Variants in AATK observed in about 807,000 individuals in gnomAD.
AATK encodes serine/threonine-protein kinase LMTK1.
In AATK, 91 loss-of-function variants were observed where a neutral mutation model predicts 114.3. The ratio of observed to expected loss-of-function variants is 0.80; its 90% CI spans 0.67 to 0.95. AATK has a LOEUF of 0.95. Among genes scored for constraint, AATK ranks in the 40% least tolerant of loss-of-function variants. The pLI is 0.00. For synonymous variants in AATK, 1,075 were observed against 916.5 expected (o/e 1.17, Z -3.12); for missense variants, 2,176 against 1,965.2 (o/e 1.11, Z -2.03).
chr17:81,132,723 G>A (rs1237962086), intron 2 of AATK: 5 of 294,552 alleles, frequency 1.7e-5, no homozygotes, highest in Non-Finnish European at 3.5e-5. Flanking sequence ...GGTCAGCATT[G>A]GGGGCCTGCC....
In AATK at chr17:81,124,735, C is replaced by T; in HGVS notation, c.954G>A (p.Gly318=). The T allele has an allele frequency of 6.2e-7, 1 of 1,612,796 alleles. No homozygotes were observed. The highest frequency in any genetic ancestry group is 8.5e-7 in the Non-Finnish European group (1 of 1,179,754). The change falls in exon 9 of 14, where the codon GGG becomes GGA. Residue 318 remains glycine (G), a synonymous_variant. Coordinates refer to ENST00000326724, the MANE Select transcript of AATK (RefSeq NM_001080395.3). ...NLLVVDQTKS[G]NVWSLGVTIW... is the part of the protein sequence containing the mutation. ...ACCAGGGCCGCACTCACCACACATTCCCGCTCTTGGTCTGGTCCACGACGA... is the reference window on the plus strand; with the variant it reads ...ACCAGGGCCGCACTCACCACACATTTCCGCTCTTGGTCTGGTCCACGACGA...
At chr17:81,149,909 C>T (rs1482313953) in intron 1 of AATK, among the ~76,000 whole-genome samples, 4 of 152,138 alleles carry the variant, frequency 2.6e-5, no homozygotes, top group African/African-American at 9.7e-5. Context: ...CAGCTCAAGC[C>T]CCTGAGGAAG....
intron 1 of AATK, among the ~76,000 whole-genome samples, chr17:81,137,554 C>A (rs1299583166): frequency 1.3e-5 from 2 of 152,150 alleles, no homozygotes; most frequent in Non-Finnish European, 2.9e-5. Flanking sequence ...GCTACCTGGG[C>A]CCCGCTGGCT....
intron 1 of AATK, among the ~76,000 whole-genome samples, chr17:81,151,071 T>G (rs1252187584): frequency 6.6e-6 from 1 of 152,158 alleles, no homozygotes; most frequent in Non-Finnish European, 1.5e-5. Flanking sequence ...GAAGGGGTAC[T>G]CTGTGCCCCC....
intron 7 of AATK, 102 bp from the exon 8 acceptor site, chr17:81,125,116 C>T: frequency 1.1e-6 from 1 of 878,906 alleles, no homozygotes. Context: ...GCGGGGGCAT[C>T]CAGCACAGGG....
chr17:81,124,113 G>A (rs893838124), intron 9 of AATK, among the ~76,000 whole-genome samples: 2 of 152,176 alleles, frequency 1.3e-5, no homozygotes, highest in African/African-American at 4.8e-5. Context: ...CCTGGCCCGT[G>A]GGATCTGAGA....
At chr17:81,155,705 T>TTA (rs1555601434) in intron 1 of AATK, among the ~76,000 whole-genome samples, 12 of 151,004 alleles carry the variant, frequency 7.9e-5, no homozygotes, top group Admixed American at 2.0e-4. Flanking sequence ...TTTTTTTTTT[T>TTA]AATAAGGTCT....
chr17:81,162,472 G>A (rs750677977), intron 1 of AATK, among the ~76,000 whole-genome samples: 10 of 152,178 alleles, frequency 6.6e-5, no homozygotes, highest in Non-Finnish European at 1.0e-4. Context: ...CCTGGTGCCC[G>A]GGCAGTGTCA....
chr17:81,152,064 C>CG (rs1041804792), intron 1 of AATK, among the ~76,000 whole-genome samples: 1 of 152,128 alleles, frequency 6.6e-6, no homozygotes, highest in African/African-American at 2.4e-5. Flanking sequence ...CACTTGAGGT[C>CG]GGAAGTTCGA....
chr17:81,128,355 G>T (rs1008092425), intron 4 of AATK, 115 bp downstream of exon 4: 2 of 1,305,790 alleles, frequency 1.5e-6, no homozygotes, highest in Non-Finnish European at 1.1e-6. Flanking sequence ...GCAGGGCCCA[G>T]AGACTGAAGA....
rs2060858666 is a variant in AATK, at chr17:81,127,461, C to CTGGGCTTTAGGGAGGGTCT, written c.621+121_621+122insAGACCCTCCCTAAAGCCCA. 4 of 988,338 alleles carry CTGGGCTTTAGGGAGGGTCT rather than the reference C, an allele frequency of 4.0e-6. No individual in the cohort carries two copies. The East Asian group carries it at 1.0e-4, about 26-fold the overall frequency. The allele number at this position is 988,338 out of a possible 1,614,324, so 61.2% of individuals were successfully genotyped here. On this transcript the variant is annotated intron_variant, in intron 6 of 13. Transcript: ENST00000326724. ...CTGGAAGGTGGTGGGGGCAGGGTCC[C>CTGGGCTTTAGGGAGGGTCT]TGGGTCTTGGCTTTAGGGAGGATGT...
At chr17:81,143,744 C>T (rs1286499441) in intron 1 of AATK, among the ~76,000 whole-genome samples, 2 of 152,330 alleles carry the variant, frequency 1.3e-5, no homozygotes, top group East Asian at 3.9e-4. Flanking sequence ...GGTGTGATCC[C>T]CACGGGGTAA....
At chr17:81,147,809 G>C (rs1332267380) in intron 1 of AATK, among the ~76,000 whole-genome samples, 4 of 152,128 alleles carry the variant, frequency 2.6e-5, no homozygotes, top group Non-Finnish European at 5.9e-5. Flanking sequence ...GTTATGCTAA[G>C]GAAAAGAAGC....
intron 1 of AATK, among the ~76,000 whole-genome samples, chr17:81,162,727 C>A (rs1009018529): frequency 1.7e-4 from 26 of 152,242 alleles, no homozygotes; most frequent in African/African-American, 6.0e-4. Context: ...TGGCCAGGCA[C>A]AGGCACTTCT....
chr17:81,127,588 G>A lies in AATK; in HGVS notation c.616C>T (p.Pro206Ser), dbSNP rs547758090. 44 of 1,597,848 alleles carry A rather than the reference G, an allele frequency of 2.8e-5. No individual in the cohort carries two copies. In the South Asian group the frequency reaches 4.8e-4, roughly 17 times the overall value. ...TPYLLVMEFC[P>S]LGDLKGYLRS... Reference sequence around the variant, plus strand: ...CCCCCCGGGCAGCAGCTCACCAGTGGGCAGAACTCCATCACCAGCAGGTAG... The same window carrying A: ...CCCCCCGGGCAGCAGCTCACCAGTGAGCAGAACTCCATCACCAGCAGGTAG... Residue 206 changes from proline (P) to serine (S), a missense_variant, in exon 6 of 14, where the codon CCA becomes TCA. By Grantham distance (74) the Pro-to-Ser change is moderately conservative. Coordinates refer to ENST00000326724, the MANE Select transcript of AATK (RefSeq NM_001080395.3).
At chr17:81,158,962 G>A (rs1363643469) in intron 1 of AATK, among the ~76,000 whole-genome samples, 1 of 152,192 alleles carries the variant, frequency 6.6e-6, no homozygotes, top group Non-Finnish European at 1.5e-5. Context: ...GAAAACCTCA[G>A]GGCCCAAAGA....
At chr17:81,128,970 G>C (rs923879114) in intron 3 of AATK, 1 of 1,038,798 alleles carries the variant, frequency 9.6e-7, no homozygotes, top group Non-Finnish European at 1.2e-6. Flanking sequence ...ATCCCACGCC[G>C]GGCGCACCAA....
intron 1 of AATK, among the ~76,000 whole-genome samples, chr17:81,138,201 A>ACC (rs879747299): frequency 2.7e-5 from 4 of 146,974 alleles, no homozygotes; most frequent in South Asian, 2.2e-4. Context: ...ACACACACAC[A>ACC]CACCCCCACA....
In AATK at chr17:81,126,947, C is replaced by T. The variant is rs2060839999; in HGVS notation, c.622-387G>A. 1 of 691,528 alleles carries T rather than the reference C, an allele frequency of 1.4e-6. No individual in the cohort carries two copies. Among genetic ancestry groups the T allele is most frequent in the African/African-American group, 1.9e-5 (1 of 53,178 alleles). 42.8% of individuals were successfully genotyped at this position (691,528 alleles called of 1,614,324 possible). A position where few individuals can be genotyped will look rare whatever the true frequency, so the allele number is the denominator to read the frequency against. On this transcript the variant is annotated intron_variant, in intron 6 of 13. Coordinates refer to ENST00000326724, the MANE Select transcript of AATK (RefSeq NM_001080395.3). The surrounding 1 kb of genome is among the most constrained non-coding windows in gnomAD (Gnocchi z 5.1). ...CCCCGGGACGGTCAACGTCAGGAGT[C>T]CAGACGCCAGTGTGTGAGGGCCCCT...
Sources: gnomAD v4.1 joint callset for allele counts (sites outside exome capture counted in the v4.1 genomes callset) on GRCh38, gnomAD v4.1.1 for gene constraint, Gnocchi (gnomAD v3.1) non-coding constraint, MANE v1.5 for transcripts, NCBI Gene and HGNC (gene_info 2026-07-23, HGNC 2026-07-21) for gene names.